Variants in ADAMTS17 observed in about 807,000 individuals in gnomAD.
ADAMTS17 encodes the protein A disintegrin and metalloproteinase with thrombospondin motifs 17.
A neutral mutation model predicts 141.5 loss-of-function variants in ADAMTS17; 113 were observed. That is an observed-to-expected ratio of 0.80 (90% confidence interval 0.69 to 0.93). ADAMTS17 has a LOEUF of 0.93. Ranked by LOEUF, ADAMTS17 falls within the 40% of genes least tolerant of loss-of-function variation. ADAMTS17 has a pLI of 0.00. For synonymous variants in ADAMTS17, 768 were observed against 630.6 expected, an observed-to-expected ratio of 1.22 and a Z score of -3.27; for missense variants, 1,659 against 1,517.9, an observed-to-expected ratio of 1.09 and a Z score of -1.54.
At chr15:100,199,478 A>G (rs2041239762) in intron 7 of ADAMTS17, 55 bp from the exon 8 acceptor site, 2 of 1,480,980 alleles carry the variant, frequency 1.4e-6, no homozygotes, top group Middle Eastern at 1.7e-4. Flanking sequence ...CCCTGGTCTC[A>G]CCGGGCAAGT....
chr15:100,087,420 C>G (rs529837664), intron 15 of ADAMTS17, among the ~76,000 whole-genome samples: 2 of 151,792 alleles, frequency 1.3e-5, no homozygotes, highest in African/African-American at 4.9e-5. Context: ...CAAGGAGGAG[C>G]TGGTACCATT....
chr15:100,099,770 CG>C (rs11358626), intron 14 of ADAMTS17, among the ~76,000 whole-genome samples: 87,349 of 151,850 alleles, frequency 0.58, 25,161 homozygotes, highest in Middle Eastern at 0.59. Flanking sequence ...TGGGATGGAA[CG>C]GGGGGAAAAG....
At position 100,106,151 on chromosome 15, in the gene ADAMTS17, C is replaced by A. The variant is rs190604918; in HGVS notation, c.2016+2838G>T. Among the ~76,000 whole-genome samples the A allele has an allele frequency of 4.8e-3, 738 of 152,312 alleles. 8 individuals are homozygous for A. Among genetic ancestry groups the A allele is most frequent in the African/African-American group, 0.017 (698 of 41,556 alleles). Reference sequence around the variant, plus strand: ...AGCTGGAACTACAGGCCTCCACCACCATGCCTGGATACTAGCTCTCTTTAT... The same window carrying A: ...AGCTGGAACTACAGGCCTCCACCACAATGCCTGGATACTAGCTCTCTTTAT... On this transcript the variant is annotated intron_variant, in intron 14 of 21. Transcript: ENST00000268070.
chr15:100,213,759 G>A (rs894015031), intron 7 of ADAMTS17, among the ~76,000 whole-genome samples: 1 of 152,174 alleles, frequency 6.6e-6, no homozygotes, highest in Non-Finnish European at 1.5e-5. Flanking sequence ...GAAGGTCTGT[G>A]TGCCTCAGCC....
chr15:100,257,986 C>G (rs1270764212), intron 6 of ADAMTS17, among the ~76,000 whole-genome samples: 1 of 152,222 alleles, frequency 6.6e-6, no homozygotes, highest in Non-Finnish European at 1.5e-5. Flanking sequence ...AGGTACCTCA[C>G]ATAAGTGGAA....
chr15:99,986,850 T>G lies in ADAMTS17; in HGVS notation c.2949+6198A>C, dbSNP rs184815687. 3.8e-3 allele frequency among the ~76,000 whole-genome samples: 582 copies of G among 152,254 alleles called. 3 individuals are homozygous for G. The highest frequency in any genetic ancestry group is 5.2e-3 in the Non-Finnish European group (357 of 68,028). ...AGTGGGTGAAAACAACGATCAGCAT[T>G]GTTTTCTGGAAAGAGCTACTATCCC... On this transcript the variant is annotated intron_variant, in intron 20 of 21. Coordinates refer to ENST00000268070, the MANE Select transcript of ADAMTS17 (RefSeq NM_139057.4).
intron 12 of ADAMTS17, among the ~76,000 whole-genome samples, chr15:100,123,903 CG>C (rs980914412): frequency 2.0e-5 from 3 of 152,000 alleles, no homozygotes; most frequent in Non-Finnish European, 2.9e-5. Flanking sequence ...GACCAGTCAT[CG>C]GGGTGTGATG....
In ADAMTS17 at chr15:99,974,230, C is replaced by T. The variant is rs1596123612; in HGVS notation, c.*172G>A. On this transcript the variant is annotated 3_prime_UTR_variant, in exon 22 of 22. Coordinates refer to ENST00000268070, the MANE Select transcript of ADAMTS17 (RefSeq NM_139057.4). ...TAGAAAGCCAGCCAGTGGCTGTTAACAATATATTAAGTACGGAAGCACTAA... is the reference window on the plus strand; with the variant it reads ...TAGAAAGCCAGCCAGTGGCTGTTAATAATATATTAAGTACGGAAGCACTAA... 1.3e-6 allele frequency: 1 copy of T among 759,642 alleles called. No individual in the cohort carries two copies. The highest frequency in any genetic ancestry group is 1.7e-5 in the South Asian group (1 of 59,400). 47.1% of individuals were successfully genotyped at this position (759,642 alleles called of 1,614,324 possible).
intron 8 of ADAMTS17, among the ~76,000 whole-genome samples, chr15:100,193,636 A>G (rs896196327): frequency 6.6e-6 from 1 of 152,142 alleles, no homozygotes; most frequent in East Asian, 1.9e-4. Context: ...ATCGGTCAAC[A>G]GTGGGTGACG....
At chr15:100,049,104 T>G in intron 17 of ADAMTS17, 112 bp from the exon 18 acceptor site, 2 of 1,501,478 alleles carry the variant, frequency 1.3e-6, no homozygotes, top group Non-Finnish European at 1.8e-6. Flanking sequence ...CACTTGGTCA[T>G]TTAAAGTGAC....
At chr15:100,290,796 T>C (rs1596459479) in intron 3 of ADAMTS17, among the ~76,000 whole-genome samples, 1 of 151,936 alleles carries the variant, frequency 6.6e-6, no homozygotes, top group Non-Finnish European at 1.5e-5. Flanking sequence ...AATAACTTAT[T>C]TGCAGAAGAT....
At chr15:100,297,986 C>CAGGA (rs2044883954) in intron 3 of ADAMTS17, among the ~76,000 whole-genome samples, 1 of 151,682 alleles carries the variant, frequency 6.6e-6, no homozygotes, top group African/African-American at 2.4e-5. Context: ...GCAGAGTGCC[C>CAGGA]AGGAAGGAAG....
At chr15:100,290,669 T>C (rs1035281901) in intron 3 of ADAMTS17, among the ~76,000 whole-genome samples, 3 of 151,970 alleles carry the variant, frequency 2.0e-5, no homozygotes, top group Admixed American at 6.6e-5. Flanking sequence ...CATAGACCAA[T>C]GGAACAGAAT....
chr15:100,244,129 T>C (rs893409687), intron 7 of ADAMTS17, among the ~76,000 whole-genome samples: 1 of 151,872 alleles, frequency 6.6e-6, no homozygotes, highest in Non-Finnish European at 1.5e-5. Flanking sequence ...CAGAGAGAGC[T>C]TCTGCAGGGG....
At chr15:100,021,013 C>G (rs1054873201) in intron 18 of ADAMTS17, among the ~76,000 whole-genome samples, 4 of 152,204 alleles carry the variant, frequency 2.6e-5, no homozygotes, top group Non-Finnish European at 5.9e-5. Context: ...TCTAAGCTAG[C>G]TTGGCTCTTT....
At chr15:100,250,302 T>C in intron 7 of ADAMTS17, among the ~76,000 whole-genome samples, 1 of 152,186 alleles carries the variant, frequency 6.6e-6, no homozygotes, top group East Asian at 1.9e-4. Context: ...TTCCTAGTTA[T>C]CTCGAGGTAC....
intron 7 of ADAMTS17, among the ~76,000 whole-genome samples, chr15:100,224,345 G>T (rs1180273461): frequency 2.0e-5 from 3 of 152,130 alleles, no homozygotes; most frequent in African/African-American, 7.2e-5. Flanking sequence ...TACCAGGGAG[G>T]GAGAGGGAAC....
intron 15 of ADAMTS17, among the ~76,000 whole-genome samples, chr15:100,074,878 T>G (rs960533577): frequency 1.3e-5 from 2 of 152,176 alleles, no homozygotes; most frequent in African/African-American, 4.8e-5. Context: ...TTATGACTTA[T>G]TAATTTCCTC....
At chr15:100,080,289 C>G (rs1267296622) in intron 15 of ADAMTS17, among the ~76,000 whole-genome samples, 1 of 152,140 alleles carries the variant, frequency 6.6e-6, no homozygotes, top group Non-Finnish European at 1.5e-5. Context: ...TGGGCTCCTC[C>G]CACCTTTAAG....
Sources: gnomAD v4.1 joint callset for allele counts (sites outside exome capture counted in the v4.1 genomes callset) on GRCh38, gnomAD v4.1.1 for gene constraint, MANE v1.5 for transcripts, NCBI Gene and HGNC (gene_info 2026-07-23, HGNC 2026-07-21) for gene names.